The following AGPAT4 variants were observed in gnomAD, a reference collection of about 807,000 sequenced individuals.
AGPAT4 encodes the protein 1-acyl-sn-glycerol-3-phosphate acyltransferase delta.
AGPAT4 carries 15 observed loss-of-function variants against 48.0 expected under a neutral mutation model. The observed-to-expected ratio is 0.31, with a 90% CI of 0.21 to 0.48. The LOEUF (loss-of-function observed/expected upper bound fraction) is 0.48. AGPAT4 is among the 20% of genes least tolerant of loss of function. The probability of loss-of-function intolerance (pLI) is 0.99; values close to 1 mark genes in which losing one functional copy is unlikely to be tolerated. For missense variants in AGPAT4, 314 were observed against 482.5 expected, an observed-to-expected ratio of 0.65 and a Z score of 3.27; for synonymous variants, 178 against 198.7, an observed-to-expected ratio of 0.90 and a Z score of 0.88.
Position 161,177,628 on chromosome 6 carries a change from C to T in AGPAT4, c.179-11211G>A, listed in dbSNP as rs142389035. 0.02 allele frequency among the ~76,000 whole-genome samples: 2,977 copies of T among 152,256 alleles called. 99 individuals are homozygous for T. Among genetic ancestry groups the T allele is most frequent in the African/African-American group, 0.067 (2,798 of 41,546 alleles). On this transcript the variant is annotated intron_variant, in intron 2 of 8. Transcript: ENST00000320285. This position sits in a 1 kb window ranked among gnomAD's most constrained non-coding sequence, Gnocchi z 5.0. Reference sequence around the variant, plus strand: ...CTCGGAGAAGTTTGTTATTACTGATCGTCTGAAGCCTTCTTTTCTCAACAT... The same window carrying T: ...CTCGGAGAAGTTTGTTATTACTGATTGTCTGAAGCCTTCTTTTCTCAACAT...
intron 2 of AGPAT4, among the ~76,000 whole-genome samples, chr6:161,230,284 C>A (rs1298940515): frequency 6.6e-6 from 1 of 152,120 alleles, no homozygotes; most frequent in Non-Finnish European, 1.5e-5. Context: ...CGTAACCATC[C>A]ACTTGAAATT....
rs1447112198 is a variant in AGPAT4, at chr6:161,206,658, G to A, written c.178+25378C>T. ...AAATCACTTGACATGCCAAGGACCA[G>A]GAAAATCACAACTTGAAAGAGAAAA... On this transcript the variant is annotated intron_variant, in intron 2 of 8. Coordinates refer to ENST00000320285, the MANE Select transcript of AGPAT4 (RefSeq NM_020133.3). The surrounding 1 kb of genome is among the most constrained non-coding windows in gnomAD (Gnocchi z 4.8). Among the ~76,000 whole-genome samples, 1 of 151,716 alleles carries A rather than the reference G, an allele frequency of 6.6e-6. No homozygotes were observed. The highest frequency in any genetic ancestry group is 1.5e-5 in the Non-Finnish European group (1 of 68,008).
intron 2 of AGPAT4, among the ~76,000 whole-genome samples, chr6:161,175,801 G>A (rs968642952): frequency 9.9e-5 from 15 of 151,614 alleles, no homozygotes; most frequent in African/African-American, 3.6e-4. Flanking sequence ...TCTATGCACT[G>A]CTTTAAATGT....
chr6:161,219,627 T>A lies in AGPAT4; in HGVS notation c.178+12409A>T, dbSNP rs1245871008. Among the ~76,000 whole-genome samples the A allele has an allele frequency of 6.6e-6, 1 of 152,186 alleles. No individual in the cohort carries two copies. Among genetic ancestry groups the A allele is most frequent in the Non-Finnish European group, 1.5e-5 (1 of 68,036 alleles). On this transcript the variant is annotated intron_variant, in intron 2 of 8. Transcript: ENST00000320285. This position sits in a 1 kb window ranked among gnomAD's most constrained non-coding sequence, Gnocchi z 4.9. ...GGCACTTTGCGAATTAATTTATTTA[T>A]AAACCATATGAATAGCTAAGACAAC...
At position 161,219,260 on chromosome 6, in the gene AGPAT4, T is replaced by TAAATATGC. The variant is rs1311584890; in HGVS notation, c.178+12768_178+12775dup. 6.6e-6 allele frequency among the ~76,000 whole-genome samples: 1 copy of TAAATATGC among 152,012 alleles called. No homozygotes were observed. The highest frequency in any genetic ancestry group is 1.5e-5 in the Non-Finnish European group (1 of 68,002). Reference sequence around the variant, plus strand: ...GTTTTTGATTCCTTAAAAAAAAAATTAAATATGCACCATTAGCATATACAA... The same window carrying TAAATATGC: ...GTTTTTGATTCCTTAAAAAAAAAATTAAATATGCAAATATGCACCATTAGCATATACAA... On this transcript the variant is annotated intron_variant, in intron 2 of 8. Transcript: ENST00000320285. This position sits in a 1 kb window ranked among gnomAD's most constrained non-coding sequence, Gnocchi z 4.9.
At chr6:161,153,955 A>G in intron 4 of AGPAT4, 194 bp downstream of exon 4, 1 of 721,024 alleles carries the variant, frequency 1.4e-6, no homozygotes, top group Non-Finnish European at 2.3e-6. Context: ...CCCCACAGTC[A>G]TACGTGGCCC....
chr6:161,243,361 G>C lies in AGPAT4; in HGVS notation c.-89-11059C>G, dbSNP rs186425111. 2.6e-3 allele frequency among the ~76,000 whole-genome samples: 401 copies of C among 152,200 alleles called. 2 individuals are homozygous for C. Among genetic ancestry groups the C allele is most frequent in the Non-Finnish European group, 5.1e-3 (347 of 68,012 alleles). ...CCGGCACTAAAAACAAAAAGAGAGA[G>C]CTTTATTCAGCACCTAAACCACCTC... On this transcript the variant is annotated intron_variant, in intron 1 of 8. Transcript: ENST00000320285. The surrounding 1 kb of genome is among the most constrained non-coding windows in gnomAD (Gnocchi z 4.8).
Position 161,254,170 on chromosome 6 carries a change from A to G in AGPAT4, c.-90+19768T>C, listed in dbSNP as rs1032459510. Reference sequence around the variant, plus strand: ...GTCAATATATTTAACTTTTTTTAAAAAAAGAAAAACTTTTCTACTGCATTT... The same window carrying G: ...GTCAATATATTTAACTTTTTTTAAAGAAAGAAAAACTTTTCTACTGCATTT... On this transcript the variant is annotated intron_variant, in intron 1 of 8. Coordinates refer to ENST00000320285, the MANE Select transcript of AGPAT4 (RefSeq NM_020133.3). This position sits in a 1 kb window ranked among gnomAD's most constrained non-coding sequence, Gnocchi z 5.9. Among the ~76,000 whole-genome samples the G allele has an allele frequency of 6.6e-6, 1 of 152,220 alleles. No individual in the cohort carries two copies. Among genetic ancestry groups the G allele is most frequent in the Non-Finnish European group, 1.5e-5 (1 of 68,044 alleles).
intron 1 of AGPAT4, among the ~76,000 whole-genome samples, chr6:161,239,652 GC>G (rs1782424094): frequency 6.6e-6 from 1 of 152,156 alleles, no homozygotes; most frequent in Non-Finnish European, 1.5e-5. Context: ...TCTTATTGAA[GC>G]TCTTTTGACC....
In AGPAT4 at chr6:161,244,213, G is replaced by A. The variant is rs1215120632; in HGVS notation, c.-89-11911C>T. On this transcript the variant is annotated intron_variant, in intron 1 of 8. Transcript: ENST00000320285. This position sits in a 1 kb window ranked among gnomAD's most constrained non-coding sequence, Gnocchi z 4.7. The stretch of plus-strand genomic sequence containing the variant: ...CACAATTCTAACAAATACAGAAGAC[G>A]CAAAGAACAGGTAGGTCACAGTGCC... 2.0e-5 allele frequency among the ~76,000 whole-genome samples: 3 copies of A among 152,144 alleles called. No individual in the cohort carries two copies. Among genetic ancestry groups the A allele is most frequent in the Non-Finnish European group, 4.4e-5 (3 of 68,032 alleles).
At chr6:161,228,053 C>A (rs1232450293) in intron 2 of AGPAT4, among the ~76,000 whole-genome samples, 1 of 152,136 alleles carries the variant, frequency 6.6e-6, no homozygotes, top group Non-Finnish European at 1.5e-5. Context: ...GATCAAGACA[C>A]CCTCGCCACC....
chr6:161,260,688 T>C (rs1211134192), intron 1 of AGPAT4, among the ~76,000 whole-genome samples: 1 of 134,372 alleles, frequency 7.4e-6, no homozygotes, highest in African/African-American at 2.7e-5. Flanking sequence ...AAAAACAGGA[T>C]TCAGCCTGGG....
At chr6:161,213,716 A>G (rs1781574756) in intron 2 of AGPAT4, among the ~76,000 whole-genome samples, 1 of 152,184 alleles carries the variant, frequency 6.6e-6, no homozygotes, top group South Asian at 2.1e-4. Flanking sequence ...TGATTTTTCC[A>G]GGATTGTTCT....
In AGPAT4 at chr6:161,164,396, G is replaced by A. The variant is rs1186981388; in HGVS notation, c.348+1852C>T. Among the ~76,000 whole-genome samples, 1 of 152,190 alleles carries A rather than the reference G, an allele frequency of 6.6e-6. No homozygotes were observed. The highest frequency in any genetic ancestry group is 1.9e-4 in the East Asian group (1 of 5,186). ...ACTCCATCCCCAACCCCATGAAGGT[G>A]CGGGTGACTTGCACCCCTCGAATGA... On this transcript the variant is annotated intron_variant, in intron 3 of 8. Coordinates refer to ENST00000320285, the MANE Select transcript of AGPAT4 (RefSeq NM_020133.3). This position sits in a 1 kb window ranked among gnomAD's most constrained non-coding sequence, Gnocchi z 7.4.
intron 2 of AGPAT4, among the ~76,000 whole-genome samples, chr6:161,193,652 T>C (rs1009779800): frequency 4.6e-5 from 7 of 152,204 alleles, no homozygotes; most frequent in Non-Finnish European, 1.0e-4. Context: ...TCCAGTTTTA[T>C]GGAGGAAGAA....
In AGPAT4 at chr6:161,133,488, GCCTT is replaced by G. The variant is rs1778967267; in HGVS notation, c.*3048_*3051del. 1 of 152,186 alleles carries G rather than the reference GCCTT, an allele frequency of 6.6e-6. No individual in the cohort carries two copies. 9.4% of individuals were successfully genotyped at this position (152,186 alleles called of 1,614,324 possible). On this transcript the variant is annotated 3_prime_UTR_variant, in exon 9 of 9. Coordinates refer to ENST00000320285, the MANE Select transcript of AGPAT4 (RefSeq NM_020133.3). ...AGGGTGGTAGACTAACTCACAGAGT[GCCTT>G]ACTTCTTCCTCCCGATTAATCGTGT...
In AGPAT4 at chr6:161,245,948, T is replaced by C. The variant is rs1782634450; in HGVS notation, c.-89-13646A>G. On this transcript the variant is annotated intron_variant, in intron 1 of 8. Transcript: ENST00000320285. The surrounding 1 kb of genome is among the most constrained non-coding windows in gnomAD (Gnocchi z 5.2). Reference sequence around the variant, plus strand: ...ATGCTTTTCTGACATGAATCATTTATTGAAGACAGAATTGCTGGCTTCGAG... The same window carrying C: ...ATGCTTTTCTGACATGAATCATTTACTGAAGACAGAATTGCTGGCTTCGAG... Among the ~76,000 whole-genome samples the C allele has an allele frequency of 6.6e-6, 1 of 152,224 alleles. No homozygotes were observed. Among genetic ancestry groups the C allele is most frequent in the Admixed American group, 6.5e-5 (1 of 15,288 alleles).
chr6:161,223,466 ACCTCTCG>A lies in AGPAT4; in HGVS notation c.178+8563_178+8569del, dbSNP rs1374167855. ...TGTTCGGCCTTAGGCAAGTCATCCA[ACCTCTCG>A]CCTCATTTAACAGGTGAATTGCCTG... On this transcript the variant is annotated intron_variant, in intron 2 of 8. Transcript: ENST00000320285. The surrounding 1 kb of genome is among the most constrained non-coding windows in gnomAD (Gnocchi z 6.3). Among the ~76,000 whole-genome samples the A allele has an allele frequency of 6.6e-6, 1 of 152,098 alleles. No individual in the cohort carries two copies. The highest frequency in any genetic ancestry group is 1.9e-4 in the East Asian group (1 of 5,190).
intron 5 of AGPAT4, among the ~76,000 whole-genome samples, chr6:161,152,471 T>G (rs1410754665): frequency 1.3e-5 from 2 of 152,098 alleles, no homozygotes; most frequent in Non-Finnish European, 2.9e-5. Flanking sequence ...CTGGGGACTT[T>G]CAGAGGTACA....
Sources: allele counts gnomAD v4.1 joint callset (sites outside exome capture counted in the v4.1 genomes callset), GRCh38; gene constraint gnomAD v4.1.1; non-coding constraint Gnocchi (gnomAD v3.1); transcripts MANE v1.5; gene names NCBI Gene and HGNC (gene_info 2026-07-23, HGNC 2026-07-21).